The following STPG2 variants were observed in gnomAD, a reference collection of about 807,000 sequenced individuals.
The protein encoded by STPG2 is sperm-tail PG-rich repeat-containing protein 2.
In STPG2, 56 loss-of-function variants were observed where a neutral mutation model predicts 54.2. The ratio of observed to expected loss-of-function variants is 1.03; its 90% confidence interval spans 0.83 to 1.29. The LOEUF (loss-of-function observed/expected upper bound fraction) is 1.29. Ranked by LOEUF, STPG2 falls within the 50% of genes most tolerant of loss-of-function variation. The pLI, the probability that STPG2 is intolerant of heterozygous loss-of-function variation, is 0.00. For synonymous variants in STPG2, 200 were observed against 181.8 expected (o/e 1.10, Z -0.81); for missense variants, 596 against 544.9 (o/e 1.09, Z -0.93).
chr4:97,538,705 C>A (rs1370668607), intron 4 of STPG2, among the ~76,000 whole-genome samples: 2 of 152,142 alleles, frequency 1.3e-5, no homozygotes, highest in African/African-American at 4.8e-5. Flanking sequence ...CACAAAGATA[C>A]TCCTCAAGAA....
intron 8 of STPG2, among the ~76,000 whole-genome samples, chr4:97,904,603 C>T (rs1475181728): frequency 6.6e-6 from 1 of 152,168 alleles, no homozygotes; most frequent in East Asian, 1.9e-4. Context: ...CAAAGCTGGA[C>T]AGAGAATGAC....
chr4:97,925,383 A>T (rs1732295363), intron 8 of STPG2, among the ~76,000 whole-genome samples: 1 of 152,234 alleles, frequency 6.6e-6, no homozygotes, highest in Admixed American at 6.5e-5. Context: ...TAGACAATTA[A>T]ATAAAAAATT....
intron 7 of STPG2, among the ~76,000 whole-genome samples, chr4:97,969,516 C>G (rs185012507): frequency 1.3e-5 from 2 of 152,152 alleles, no homozygotes; most frequent in Non-Finnish European, 2.9e-5. Context: ...CCAGCTTTCA[C>G]TATTTTCTGT....
intron 9 of STPG2, among the ~76,000 whole-genome samples, chr4:97,752,521 T>A (rs569480804): frequency 6.6e-6 from 1 of 151,890 alleles, no homozygotes; most frequent in East Asian, 1.9e-4. Flanking sequence ...ATTGAACGTA[T>A]CATATCACCT....
chr4:97,640,879 A>C (rs1721746434), intron 10 of STPG2, among the ~76,000 whole-genome samples: 1 of 151,674 alleles, frequency 6.6e-6, no homozygotes, highest in Admixed American at 6.6e-5. Flanking sequence ...AAAGAGACAC[A>C]GTCAAGAAAA....
At chr4:97,494,565 C>G (rs978298827) in intron 4 of STPG2, among the ~76,000 whole-genome samples, 1 of 151,514 alleles carries the variant, frequency 6.6e-6, no homozygotes, top group African/African-American at 2.4e-5. Context: ...AAATTAACTT[C>G]CTGGTTTGCC....
intron 7 of STPG2, among the ~76,000 whole-genome samples, chr4:97,954,708 A>AT: frequency 6.6e-6 from 1 of 152,318 alleles, no homozygotes; most frequent in East Asian, 1.9e-4. Context: ...GGTTAATGTA[A>AT]TTTTATCTTC....
chr4:97,751,989 T>C (rs549859475), intron 9 of STPG2, among the ~76,000 whole-genome samples: 1 of 151,868 alleles, frequency 6.6e-6, no homozygotes, highest in East Asian at 1.9e-4. Context: ...AGTTCTAATC[T>C]GCAATAAAAA....
rs563668525 is a variant in STPG2, at chr4:97,838,402, G to A, written c.1204+2371C>T. 7.9e-5 allele frequency among the ~76,000 whole-genome samples: 12 copies of A among 151,188 alleles called. No homozygotes were observed. In the South Asian group the frequency reaches 2.5e-3, roughly 31 times the overall value. ...AATCAAATGATGTCATGTATTAGTT[G>A]TCCCTAGCAAAAGTTAGGGTGTAAA... On this transcript the variant is annotated intron_variant, in intron 9 of 10. Transcript: ENST00000295268.
chr4:97,445,259 A>T (rs905655179), intron 4 of STPG2, among the ~76,000 whole-genome samples: 1 of 152,196 alleles, frequency 6.6e-6, no homozygotes, highest in African/African-American at 2.4e-5. Context: ...AAGATATATA[A>T]TAGAAGCAAA....
intron 10 of STPG2, among the ~76,000 whole-genome samples, chr4:97,694,254 T>C (rs943565329): frequency 6.6e-6 from 1 of 152,022 alleles, no homozygotes; most frequent in Admixed American, 6.6e-5. Context: ...AAGATAAATA[T>C]AATTGATAGA....
In STPG2 at chr4:98,019,870, A is replaced by T. The variant is rs1156814249; in HGVS notation, c.613-38552T>A. On this transcript the variant is annotated intron_variant, in intron 5 of 10. Coordinates refer to ENST00000295268, the MANE Select transcript of STPG2 (RefSeq NM_174952.3). ...TGTGATTTTTTTACATTGATTTTGTATCCTGAGACTTTGCTGAAGTTGCTT... is the reference window on the plus strand; with the variant it reads ...TGTGATTTTTTTACATTGATTTTGTTTCCTGAGACTTTGCTGAAGTTGCTT... Among the ~76,000 whole-genome samples, 2 of 119,882 alleles carry T rather than the reference A, an allele frequency of 1.7e-5. 1 individual carries two copies. The highest frequency in any genetic ancestry group is 3.6e-5 in the Non-Finnish European group (2 of 55,054). 78.6% of individuals were successfully genotyped at this position (119,882 alleles called of 152,430 possible). A position where few individuals can be genotyped will look rare whatever the true frequency, so the allele number is the denominator to read the frequency against.
chr4:98,012,382 A>G (rs961881408), intron 5 of STPG2, among the ~76,000 whole-genome samples: 3 of 152,132 alleles, frequency 2.0e-5, no homozygotes, highest in African/African-American at 7.2e-5. Context: ...GTCAAGTAGC[A>G]TGATGCCTCC....
intron 4 of STPG2, among the ~76,000 whole-genome samples, chr4:97,443,329 T>C (rs560472738): frequency 4.5e-4 from 68 of 152,234 alleles, no homozygotes; most frequent in Non-Finnish European, 7.6e-4. Flanking sequence ...AGGCAGGATG[T>C]CAAGAAACTA....
At chr4:97,624,620 T>C (rs1734093865) in intron 10 of STPG2, among the ~76,000 whole-genome samples, 1 of 152,216 alleles carries the variant, frequency 6.6e-6, no homozygotes, top group Non-Finnish European at 1.5e-5. Context: ...ATCTCTTTAG[T>C]TTAATTATAT....
At chr4:97,496,024 A>C (rs893597047) in intron 4 of STPG2, among the ~76,000 whole-genome samples, 1 of 151,650 alleles carries the variant, frequency 6.6e-6, no homozygotes, top group African/African-American at 2.4e-5. Flanking sequence ...ATTTACACAC[A>C]CAAACATGCA....
intron 8 of STPG2, among the ~76,000 whole-genome samples, chr4:97,908,767 A>G (rs1267110456): frequency 6.6e-6 from 1 of 151,214 alleles, no homozygotes; most frequent in Non-Finnish European, 1.5e-5. Context: ...TCGCAAGAAC[A>G]AAAAACCAAA....
intron 10 of STPG2, among the ~76,000 whole-genome samples, chr4:97,695,704 G>T (rs1560723483): frequency 6.6e-6 from 1 of 150,800 alleles, no homozygotes; most frequent in African/African-American, 2.4e-5. Context: ...CACCAACACT[G>T]ATCAAGCTGA....
intron 4 of STPG2, among the ~76,000 whole-genome samples, chr4:97,447,135 G>A (rs1729243008): frequency 6.6e-6 from 1 of 152,208 alleles, no homozygotes; most frequent in Non-Finnish European, 1.5e-5. Context: ...GGGAACTGGA[G>A]TAAAGATTAC....
Sources: allele counts gnomAD v4.1 joint callset (sites outside exome capture counted in the v4.1 genomes callset), GRCh38; gene constraint gnomAD v4.1.1; transcripts MANE v1.5; gene names NCBI Gene and HGNC (gene_info 2026-07-23, HGNC 2026-07-21).